PBX1: variants seen among roughly 807,000 people sequenced by gnomAD.
The protein encoded by PBX1 is pre-B-cell leukemia transcription factor 1.
In PBX1, 6 loss-of-function variants were observed where a neutral mutation model predicts 53.4. The ratio of observed to expected loss-of-function variants is 0.11; its 90% CI spans 0.06 to 0.22. The LOEUF (loss-of-function observed/expected upper bound fraction) is 0.22, where lower values mean the gene tolerates loss of function less well. Ranked by LOEUF, PBX1 falls within the 10% of genes least tolerant of loss-of-function variation. PBX1 has a pLI of 1.00. For missense variants in PBX1, 251 were observed against 551.4 expected (o/e 0.46, Z 5.46); for synonymous variants, 204 against 212.3 (o/e 0.96, Z 0.34).
At chr1:164,761,241 A>G (rs1337160048) in intron 2 of PBX1, among the ~76,000 whole-genome samples, 3 of 152,214 alleles carry the variant, frequency 2.0e-5, no homozygotes, top group Non-Finnish European at 4.4e-5. Context: ...AAATCAATAT[A>G]TAAAAATAGA....
intron 8 of PBX1, among the ~76,000 whole-genome samples, chr1:164,822,194 A>G (rs926609766): frequency 6.6e-6 from 1 of 152,084 alleles, no homozygotes; most frequent in Non-Finnish European, 1.5e-5. Flanking sequence ...GCTATGTCGC[A>G]CAGAGTGAAA....
chr1:164,699,114 C>T (rs954913453), intron 2 of PBX1, among the ~76,000 whole-genome samples: 4 of 152,114 alleles, frequency 2.6e-5, no homozygotes, highest in South Asian at 2.1e-4. Flanking sequence ...CACATAGCAG[C>T]GGGCCTGGGT....
chr1:164,626,466 G>A (rs1445126162), intron 2 of PBX1, among the ~76,000 whole-genome samples: 2 of 152,148 alleles, frequency 1.3e-5, no homozygotes, highest in Non-Finnish European at 2.9e-5. Context: ...TCGGTGTATG[G>A]ACTGTTCAAG....
chr1:164,874,568 C>G lies in PBX1; in HGVS notation n.258-24620C>G, dbSNP rs555783202. Among the ~76,000 whole-genome samples the G allele has an allele frequency of 3.3e-5, 5 of 152,284 alleles. No individual in the cohort carries two copies. The East Asian group carries it at 9.7e-4, about 29-fold the overall frequency. On this transcript the variant is annotated intron_variant and non_coding_transcript_variant, in intron 2 of 2. Coordinates refer to the PBX1 transcript ENST00000558796. The stretch of plus-strand genomic sequence containing the variant: ...GGAGTGTAGTGGTGCGATCTTGACT[C>G]ACTGCAATCTCCGCCTCCTGGGTTC...
intron 2 of PBX1, among the ~76,000 whole-genome samples, chr1:164,569,498 T>A (rs1653676366): frequency 6.6e-6 from 1 of 151,552 alleles, no homozygotes; most frequent in South Asian, 2.1e-4. Context: ...ATTCCAAGAC[T>A]CTGATTTTAT....
intron 2 of PBX1, among the ~76,000 whole-genome samples, chr1:164,884,032 G>A (rs1672722210): frequency 6.6e-6 from 1 of 152,190 alleles, no homozygotes; most frequent in Non-Finnish European, 1.5e-5. Flanking sequence ...TTACGAGCAT[G>A]CAGATTTAAG....
intron 2 of PBX1, among the ~76,000 whole-genome samples, chr1:164,667,812 G>A (rs1229598921): frequency 1.3e-5 from 2 of 152,192 alleles, no homozygotes; most frequent in African/African-American, 4.8e-5. Context: ...ACTCTCAGAT[G>A]TGGGGATTCC....
At chr1:164,638,120 A>G (rs924056793) in intron 2 of PBX1, among the ~76,000 whole-genome samples, 3 of 152,224 alleles carry the variant, frequency 2.0e-5, no homozygotes, top group East Asian at 3.9e-4. Context: ...TACTGCTGCT[A>G]TGGCTGTGTG....
At chr1:164,865,340 T>C (rs1486037239) in intron 2 of PBX1, among the ~76,000 whole-genome samples, 1 of 152,216 alleles carries the variant, frequency 6.6e-6, no homozygotes, top group Non-Finnish European at 1.5e-5. Flanking sequence ...CAGAGAAAAG[T>C]TAGGATTGAG....
At chr1:164,845,052 C>T (rs1671500896) in intron 8 of PBX1, among the ~76,000 whole-genome samples, 3 of 152,188 alleles carry the variant, frequency 2.0e-5, no homozygotes, top group South Asian at 2.1e-4. Context: ...TCAGGATGCC[C>T]TCTTGGTATC....
chr1:164,809,128 C>G (rs757981495), intron 5 of PBX1, among the ~76,000 whole-genome samples: 1 of 152,088 alleles, frequency 6.6e-6, no homozygotes, highest in Non-Finnish European at 1.5e-5. Flanking sequence ...TATCATGGAA[C>G]CTTCTGCTTT....
At chr1:164,687,999 C>T (rs1054288902) in intron 2 of PBX1, among the ~76,000 whole-genome samples, 6 of 152,208 alleles carry the variant, frequency 3.9e-5, no homozygotes, top group African/African-American at 1.4e-4. Context: ...AGATACCACA[C>T]ATGCCCTAGG....
intron 2 of PBX1, among the ~76,000 whole-genome samples, chr1:164,658,249 T>G (rs979423265): frequency 5.3e-5 from 8 of 151,990 alleles, no homozygotes; most frequent in African/African-American, 1.9e-4. Context: ...CAGCCACTGT[T>G]TAGCTCAATT....
At chr1:164,576,262 A>G (rs1337379482) in intron 2 of PBX1, among the ~76,000 whole-genome samples, 2 of 152,160 alleles carry the variant, frequency 1.3e-5, no homozygotes, top group Non-Finnish European at 2.9e-5. Flanking sequence ...TCTTGCTGTA[A>G]GACGCTGCAC....
intron 2 of PBX1, among the ~76,000 whole-genome samples, chr1:164,720,973 A>AG (rs1012831870): frequency 1.3e-5 from 2 of 152,206 alleles, no homozygotes; most frequent in Non-Finnish European, 2.9e-5. Context: ...CCTCTTGAGC[A>AG]GGGGGAAGGA....
At chr1:164,613,121 C>G (rs1280182987) in intron 2 of PBX1, among the ~76,000 whole-genome samples, 1 of 152,150 alleles carries the variant, frequency 6.6e-6, no homozygotes, top group Non-Finnish European at 1.5e-5. Context: ...TTTGAAAATA[C>G]AACTAGTAGA....
intron 8 of PBX1, among the ~76,000 whole-genome samples, chr1:164,845,758 C>G (rs1385635939): frequency 6.6e-6 from 1 of 152,044 alleles, no homozygotes; most frequent in African/African-American, 2.4e-5. Flanking sequence ...ATTGATCAAG[C>G]CTATACCTTC....
intron 2 of PBX1, among the ~76,000 whole-genome samples, chr1:164,752,208 G>GTGTGTA (rs1666272009): frequency 1.2e-5 from 1 of 80,200 alleles, no homozygotes; most frequent in African/African-American, 4.4e-5. Context: ...TTAAGGTTTT[G>GTGTGTA]TGTGTGTGTG....
At position 164,850,934 on chromosome 1, in the gene PBX1, T is replaced by A. The variant is rs1383009466; in HGVS notation, c.*4258T>A. ...AGGCCTCTTCCAACCAAAGAGGCCT[T>A]TTCTTCCAGGAGAGTCCCGCAGGAG... On this transcript the variant is annotated 3_prime_UTR_variant, in exon 9 of 9. Transcript: ENST00000420696. 4.7e-6 allele frequency: 1 copy of A among 213,278 alleles called. No homozygotes were observed. The highest frequency in any genetic ancestry group is 9.5e-6 in the Non-Finnish European group (1 of 105,388). The allele number at this position is 213,278 out of a possible 1,614,324, so 13.2% of individuals were successfully genotyped here. A position where few individuals can be genotyped will look rare whatever the true frequency, so the allele number is the denominator to read the frequency against.
Sources: allele counts gnomAD v4.1 joint callset (sites outside exome capture counted in the v4.1 genomes callset), GRCh38; gene constraint gnomAD v4.1.1; transcripts MANE v1.5; gene names NCBI Gene and HGNC (gene_info 2026-07-23, HGNC 2026-07-21).